Variants in XPO7 observed in about 807,000 individuals in gnomAD.
The protein encoded by XPO7 is exportin-7.
Under a neutral mutation model 144.3 loss-of-function variants are expected in XPO7, and 21 were observed. That is an observed-to-expected ratio of 0.15 (90% CI 0.10 to 0.21). The LOEUF is 0.21. Among genes scored for constraint, XPO7 ranks in the 10% least tolerant of loss-of-function variants. The pLI is 1.00. For synonymous variants in XPO7, 580 were observed against 499.6 expected, an observed-to-expected ratio of 1.16 and a Z score of -2.15; for missense variants, 808 against 1,325.8, an observed-to-expected ratio of 0.61 and a Z score of 6.06.
chr8:21,934,028 A>G (rs1288943555), intron 1 of XPO7, among the ~76,000 whole-genome samples: 2 of 152,338 alleles, frequency 1.3e-5, no homozygotes, highest in Admixed American at 6.5e-5. Flanking sequence ...AAACGAGAAA[A>G]TGTTTTTTTC....
chr8:21,921,128 T>G (rs1462626628), intron 1 of XPO7, among the ~76,000 whole-genome samples: 1 of 152,176 alleles, frequency 6.6e-6, no homozygotes, highest in Non-Finnish European at 1.5e-5. Flanking sequence ...ACAGTAAAAG[T>G]TGATACAAGG....
chr8:21,936,264 GATA>G (rs1810819255), intron 1 of XPO7, among the ~76,000 whole-genome samples: 1 of 152,078 alleles, frequency 6.6e-6, no homozygotes, highest in South Asian at 2.1e-4. Flanking sequence ...GTGGATCACT[GATA>G]ATTATTCCTT....
At chr8:21,970,715 A>G (rs566333706) in intron 4 of XPO7, among the ~76,000 whole-genome samples, 2 of 152,314 alleles carry the variant, frequency 1.3e-5, no homozygotes, top group Admixed American at 1.3e-4. Context: ...TATCCTCAAA[A>G]AAGTTATACA....
intron 1 of XPO7, among the ~76,000 whole-genome samples, chr8:21,924,900 A>G (rs985125111): frequency 6.6e-6 from 1 of 152,232 alleles, no homozygotes; most frequent in African/African-American, 2.4e-5. Context: ...GTGACCACTT[A>G]AGCATCTACT....
At chr8:22,003,851 A>G in intron 26 of XPO7, 52 bp from the exon 27 acceptor site, 4 of 1,610,186 alleles carry the variant, frequency 2.5e-6, no homozygotes, top group Non-Finnish European at 3.4e-6. Flanking sequence ...ACGGAGGGCT[A>G]ATCTGCCTTC....
In XPO7 at chr8:21,974,656, C is replaced by G. The variant is rs1276166048; in HGVS notation, c.493-14C>G. On this transcript the variant is annotated splice_polypyrimidine_tract_variant and intron_variant, in intron 5 of 27. Transcript: ENST00000252512. ...AATTAATTCTTTGCATTGGTTTCTT[C>G]TTTTTCTGCACAGGCAGACACCACC... The G allele has an allele frequency of 1.9e-6, 3 of 1,543,864 alleles. No individual in the cohort carries two copies. The highest frequency in any genetic ancestry group is 2.6e-6 in the Non-Finnish European group (3 of 1,147,292).
At chr8:21,950,155 G>A (rs191960922) in intron 1 of XPO7, among the ~76,000 whole-genome samples, 91 of 152,332 alleles carry the variant, frequency 6.0e-4, no homozygotes, top group African/African-American at 2.1e-3. Context: ...AACATTTAAC[G>A]TATTGTAGTT....
At chr8:21,939,894 AT>A (rs975870419) in intron 1 of XPO7, among the ~76,000 whole-genome samples, 3 of 152,206 alleles carry the variant, frequency 2.0e-5, no homozygotes, top group African/African-American at 7.2e-5. Context: ...TTTAAATTTT[AT>A]TTATTTTCTT....
chr8:22,004,269 T>A (rs546221693), intron 27 of XPO7, among the ~76,000 whole-genome samples: 1 of 152,298 alleles, frequency 6.6e-6, no homozygotes, highest in South Asian at 2.1e-4. Context: ...AAATTGTGGG[T>A]TTTCACATTC....
In XPO7 at chr8:22,005,676, T is replaced by C. The variant is rs1813306975; in HGVS notation, c.*588T>C. The C allele has an allele frequency of 6.6e-6, 1 of 152,216 alleles. No homozygotes were observed. The highest frequency in any genetic ancestry group is 1.5e-5 in the Non-Finnish European group (1 of 68,048). The allele number at this position is 152,216 out of a possible 1,614,324, so 9.4% of individuals were successfully genotyped here. The stretch of plus-strand genomic sequence containing the variant: ...ATTCCAAATGTATATTTTTTCGTAT[T>C]GCCCTGTCCTCACCCAGAAATGATC... On this transcript the variant is annotated 3_prime_UTR_variant, in exon 28 of 28. Transcript: ENST00000252512.
At chr8:21,933,914 A>G (rs1464213094) in intron 1 of XPO7, among the ~76,000 whole-genome samples, 1 of 152,208 alleles carries the variant, frequency 6.6e-6, no homozygotes, top group Non-Finnish European at 1.5e-5. Context: ...ATTGTTTGTT[A>G]GAGATAATGT....
At chr8:21,929,601 C>G (rs1245812522) in intron 1 of XPO7, among the ~76,000 whole-genome samples, 2 of 152,164 alleles carry the variant, frequency 1.3e-5, no homozygotes, top group African/African-American at 4.8e-5. Flanking sequence ...TCACTTTTTC[C>G]TGGTGCTAAG....
In XPO7 at chr8:21,987,048, AC is replaced by A. The variant is rs1418470423; in HGVS notation, c.1578-92del. 3 of 1,558,580 alleles carry A rather than the reference AC, an allele frequency of 1.9e-6. No individual in the cohort carries two copies. In the African/African-American group the frequency reaches 4.1e-5, roughly 21 times the overall value. On this transcript the variant is annotated intron_variant, in intron 13 of 27. Coordinates refer to ENST00000252512, the MANE Select transcript of XPO7 (RefSeq NM_015024.5). ...TTGCAGGAGGTTGCTGTACCCAAGTACAGGCATATACGACCATGTCAAGATA... is the reference window on the plus strand; with the variant it reads ...TTGCAGGAGGTTGCTGTACCCAAGTAAGGCATATACGACCATGTCAAGATA...
chr8:21,982,973 T>A (rs1226235911), intron 11 of XPO7, among the ~76,000 whole-genome samples, 161 bp downstream of exon 11: 1 of 152,252 alleles, frequency 6.6e-6, no homozygotes, highest in East Asian at 1.9e-4. Context: ...CATGAGAGCA[T>A]AAAGCCTGAT....
At chr8:21,948,880 A>G (rs1030948033) in intron 1 of XPO7, among the ~76,000 whole-genome samples, 2 of 152,192 alleles carry the variant, frequency 1.3e-5, no homozygotes, top group African/African-American at 2.4e-5. Flanking sequence ...CAAATAAACC[A>G]TTTGGTTCCT....
chr8:21,923,515 A>G (rs1185646801), intron 1 of XPO7, among the ~76,000 whole-genome samples: 1 of 152,212 alleles, frequency 6.6e-6, no homozygotes, highest in African/African-American at 2.4e-5. Flanking sequence ...ATATATATCT[A>G]TATATTTACT....
chr8:21,955,507 A>G (rs11775444), intron 1 of XPO7, among the ~76,000 whole-genome samples: 54,721 of 151,966 alleles, frequency 0.36, 10,399 homozygotes, highest in Non-Finnish European at 0.43. Flanking sequence ...TAAAGTAGGC[A>G]GTGGTGGCAG....
At chr8:21,967,143 T>C (rs1260490666) in intron 2 of XPO7, 140 bp downstream of exon 2, 13 of 1,143,798 alleles carry the variant, frequency 1.1e-5, no homozygotes, top group Non-Finnish European at 1.5e-5. Context: ...TTTTAAGAAG[T>C]ACCATACCTA....
chr8:21,988,977 CTT>C lies in XPO7; in HGVS notation c.1788-17_1788-16del, dbSNP rs745752139. ...ACCAGCAAATCAAAAGGGTCTCCTGCTTTTTTTTTTCTTTTTGTCCTCCAGCA... is the reference window on the plus strand; with the variant it reads ...ACCAGCAAATCAAAAGGGTCTCCTGCTTTTTTTTCTTTTTGTCCTCCAGCA... On this transcript the variant is annotated intron_variant, in intron 15 of 27. Coordinates refer to ENST00000252512, the MANE Select transcript of XPO7 (RefSeq NM_015024.5). 13 of 1,433,462 alleles carry C rather than the reference CTT, an allele frequency of 9.1e-6. No individual in the cohort carries two copies. The African/African-American group carries it at 1.6e-4, about 17-fold the overall frequency. 88.8% of individuals were successfully genotyped at this position (1,433,462 alleles called of 1,614,324 possible). A position where few individuals can be genotyped will look rare whatever the true frequency, so the allele number is the denominator to read the frequency against.
Sources: gnomAD v4.1 joint callset for allele counts (sites outside exome capture counted in the v4.1 genomes callset) on GRCh38, gnomAD v4.1.1 for gene constraint, MANE v1.5 for transcripts, NCBI Gene and HGNC (gene_info 2026-07-23, HGNC 2026-07-21) for gene names.